The following SFMBT2 variants were observed in gnomAD, a reference collection of about 807,000 sequenced individuals.
The protein encoded by SFMBT2 is scm-like with four MBT domains protein 2.
Under a neutral mutation model 110.1 loss-of-function variants are expected in SFMBT2, and 38 were observed. The ratio of observed to expected loss-of-function variants is 0.35; its 90% CI spans 0.27 to 0.45. The LOEUF is 0.45. Among genes scored for constraint, SFMBT2 ranks in the 20% least tolerant of loss-of-function variants. SFMBT2 has a pLI of 1.00. For synonymous variants in SFMBT2, 425 were observed against 425.4 expected (o/e 1.00, Z 0.01); for missense variants, 1,011 against 1,094.9 (o/e 0.92, Z 1.08).
intron 7 of SFMBT2, among the ~76,000 whole-genome samples, chr10:7,250,784 G>A (rs1371494620): frequency 6.6e-6 from 1 of 152,166 alleles, no homozygotes; most frequent in Non-Finnish European, 1.5e-5. Flanking sequence ...TCTTACTGGT[G>A]TGAGACGGTA....
At chr10:7,333,770 C>T (rs1843634218) in intron 4 of SFMBT2, among the ~76,000 whole-genome samples, 1 of 150,972 alleles carries the variant, frequency 6.6e-6, no homozygotes, top group Admixed American at 6.6e-5. Context: ...CACCCCAGCT[C>T]CCCACAGGGC....
chr10:7,193,592 GC>G (rs375997754), intron 15 of SFMBT2, among the ~76,000 whole-genome samples: 3 of 152,164 alleles, frequency 2.0e-5, no homozygotes, highest in African/African-American at 7.2e-5. Flanking sequence ...GTCTGTGTCT[GC>G]AGCTGAAACA....
chr10:7,243,756 A>G, intron 8 of SFMBT2, 51 bp from the exon 9 acceptor site: 2 of 820,758 alleles, frequency 2.4e-6, no homozygotes, highest in Non-Finnish European at 4.2e-6. Context: ...AGAGTTACAT[A>G]TAATGCTAGT....
At chr10:7,327,393 G>C (rs182097513) in intron 4 of SFMBT2, among the ~76,000 whole-genome samples, 1 of 151,866 alleles carries the variant, frequency 6.6e-6, no homozygotes, top group African/African-American at 2.4e-5. Context: ...CTCAACCCCC[G>C]GGGCAACTAC....
intron 12 of SFMBT2, chr10:7,202,961 C>G (rs544590143): frequency 1.0e-6 from 1 of 985,436 alleles, no homozygotes; most frequent in South Asian, 4.7e-5. Context: ...TCAACTAAAA[C>G]ATGTTATTCA....
In SFMBT2 at chr10:7,325,093, G is replaced by A. The variant is rs574498391; in HGVS notation, c.437-39139C>T. On this transcript the variant is annotated intron_variant, in intron 4 of 20. Transcript: ENST00000397167. ...TGCCATTCTCTTGCCTCAGCCTCTC[G>A]AGTAGCTGGGATTACAGGTGCCCGC... Among the ~76,000 whole-genome samples the A allele has an allele frequency of 1.1e-4, 16 of 150,190 alleles. No individual in the cohort carries two copies. The East Asian group carries it at 2.0e-3, about 19-fold the overall frequency.
chr10:7,264,425 G>A (rs1053550273), intron 7 of SFMBT2, among the ~76,000 whole-genome samples: 4 of 152,146 alleles, frequency 2.6e-5, no homozygotes, highest in Admixed American at 6.5e-5. Context: ...GGTATTTTAC[G>A]GAAGTACTTA....
intron 4 of SFMBT2, among the ~76,000 whole-genome samples, chr10:7,356,767 C>T (rs915027374): frequency 6.6e-6 from 1 of 152,182 alleles, no homozygotes; most frequent in African/African-American, 2.4e-5. Flanking sequence ...CCCGGAAGTA[C>T]ATCCTCATTA....
At chr10:7,246,970 A>G (rs78436682) in intron 8 of SFMBT2, among the ~76,000 whole-genome samples, 2,465 of 152,278 alleles carry the variant, frequency 0.016, 33 homozygotes, top group Admixed American at 0.021. Context: ...GATACACAGT[A>G]AAGAACTCCA....
intron 2 of SFMBT2, among the ~76,000 whole-genome samples, chr10:7,379,754 T>C (rs1845370273): frequency 1.3e-5 from 2 of 152,246 alleles, no homozygotes; most frequent in African/African-American, 4.8e-5. Context: ...CCATCCCCGA[T>C]GCAAGAGCAA....
Position 7,171,916 on chromosome 10 carries a change from C to A in SFMBT2, c.2394G>T (p.Pro798=). The A allele has an allele frequency of 7.0e-7, 1 of 1,438,450 alleles. No homozygotes were observed. The highest frequency in any genetic ancestry group is 2.6e-5 in the East Asian group (1 of 38,542). 89.1% of individuals were successfully genotyped at this position (1,438,450 alleles called of 1,614,324 possible). Residue 798 remains proline (P), a synonymous_variant, in exon 19 of 21, where the codon CCG becomes CCT. Coordinates refer to ENST00000397167, the MANE Select transcript of SFMBT2 (RefSeq NM_001387889.1). This position sits in a 1 kb window ranked among gnomAD's most constrained non-coding sequence, Gnocchi z 4.9. ...TCACCTCTGTCCCCTCGGGCTTGGT[C>A]GGCGGGCACTTCTCCCCTTCCTCTG... ...SSAEEGEKCP[P]TKPEGTEDTK...
chr10:7,328,864 C>G (rs1352946729), intron 4 of SFMBT2, among the ~76,000 whole-genome samples: 1 of 152,232 alleles, frequency 6.6e-6, no homozygotes, highest in East Asian at 1.9e-4. Context: ...CTTGCAGCCT[C>G]TCAAGACTGG....
chr10:7,183,843 C>T (rs888200040), intron 16 of SFMBT2, among the ~76,000 whole-genome samples: 2 of 152,310 alleles, frequency 1.3e-5, no homozygotes, highest in East Asian at 1.9e-4. Context: ...CTCCCTTTCC[C>T]GTACTGAGTT....
At chr10:7,286,429 G>A (rs577072856) in intron 4 of SFMBT2, 121 of 951,584 alleles carry the variant, frequency 1.3e-4, no homozygotes, top group Middle Eastern at 1.1e-3. Flanking sequence ...TGGACTGAAG[G>A]TGAAATGGAG....
intron 1 of SFMBT2, among the ~76,000 whole-genome samples, chr10:7,384,877 T>C (rs765032745): frequency 2.6e-5 from 4 of 152,194 alleles, no homozygotes; most frequent in Admixed American, 6.5e-5. Flanking sequence ...ACCCACTGCA[T>C]TGGCGGCCAC....
At chr10:7,259,938 C>A (rs112879912) in intron 7 of SFMBT2, among the ~76,000 whole-genome samples, 3 of 152,366 alleles carry the variant, frequency 2.0e-5, no homozygotes, top group African/African-American at 7.2e-5. Flanking sequence ...CCTGGTGCTG[C>A]TGTTACCCTC....
intron 4 of SFMBT2, among the ~76,000 whole-genome samples, chr10:7,287,543 TC>T (rs1842131441): frequency 6.6e-6 from 1 of 151,994 alleles, no homozygotes; most frequent in Non-Finnish European, 1.5e-5. Flanking sequence ...ACCTGAGCCT[TC>T]CCAGGGCACC....
chr10:7,269,727 T>A (rs995290082), intron 7 of SFMBT2, among the ~76,000 whole-genome samples: 2 of 103,808 alleles, frequency 1.9e-5, no homozygotes, highest in African/African-American at 5.8e-5. Context: ...TGTGTGTGTG[T>A]GTGTGTGTGT....
chr10:7,236,062 G>C (rs1840243395), intron 9 of SFMBT2, among the ~76,000 whole-genome samples: 1 of 152,038 alleles, frequency 6.6e-6, no homozygotes, highest in Non-Finnish European at 1.5e-5. Flanking sequence ...AAGGTAGCTA[G>C]ATATGACATA....
Sources: gnomAD v4.1 joint callset for allele counts (sites outside exome capture counted in the v4.1 genomes callset) on GRCh38, gnomAD v4.1.1 for gene constraint, Gnocchi (gnomAD v3.1) non-coding constraint, MANE v1.5 for transcripts, NCBI Gene and HGNC (gene_info 2026-07-23, HGNC 2026-07-21) for gene names.